Variants in PPP2R2B observed in about 807,000 individuals in gnomAD.
The protein encoded by PPP2R2B is serine/threonine-protein phosphatase 2A 55 kDa regulatory subunit B beta isoform.
Under a neutral mutation model 46.0 loss-of-function variants are expected in PPP2R2B, and 5 were observed. The observed-to-expected ratio is 0.11, with a 90% confidence interval of 0.06 to 0.23. The LOEUF is 0.23. Among genes scored for constraint, PPP2R2B ranks in the 10% least tolerant of loss-of-function variants. The pLI is 1.00. For missense variants in PPP2R2B, 367 were observed against 575.0 expected (o/e 0.64, Z 3.70); for synonymous variants, 215 against 206.7 (o/e 1.04, Z -0.34).
At chr5:146,768,090 T>C (rs530215504) in intron 2 of PPP2R2B, among the ~76,000 whole-genome samples, 1 of 152,262 alleles carries the variant, frequency 6.6e-6, no homozygotes, top group East Asian at 1.9e-4. Flanking sequence ...TTTTTTTTTT[T>C]TGAAACAGGG....
At chr5:147,025,550 T>C (rs574298915) in intron 1 of PPP2R2B, among the ~76,000 whole-genome samples, 1 of 151,864 alleles carries the variant, frequency 6.6e-6, no homozygotes, top group East Asian at 1.9e-4. Flanking sequence ...GCATGATCTA[T>C]AAAAAAGACA....
At chr5:146,678,522 A>G (rs6892118) in intron 5 of PPP2R2B, among the ~76,000 whole-genome samples, 330 of 135,450 alleles carry the variant, frequency 2.4e-3, no homozygotes, top group African/African-American at 0.01. Context: ...TATTCAACAT[A>G]GTGTTGGAAG....
intron 2 of PPP2R2B, among the ~76,000 whole-genome samples, chr5:146,848,731 G>A (rs150938921): frequency 0.014 from 2,157 of 152,254 alleles, 22 homozygotes; most frequent in Non-Finnish European, 0.022. Flanking sequence ...TGCACCCTTA[G>A]AAAGAAGTCA....
chr5:146,752,364 C>T (rs1018404828), intron 2 of PPP2R2B, among the ~76,000 whole-genome samples: 14 of 152,294 alleles, frequency 9.2e-5, no homozygotes, highest in South Asian at 6.2e-4. Flanking sequence ...AGGTCTCCAT[C>T]GAATGTCTTC....
intron 2 of PPP2R2B, among the ~76,000 whole-genome samples, chr5:146,865,572 T>G (rs1179315355): frequency 2.0e-5 from 3 of 152,134 alleles, no homozygotes; most frequent in Non-Finnish European, 4.4e-5. Context: ...AGGGTCTACA[T>G]TTAATTTTTA....
At chr5:146,971,556 G>A (rs1380726492) in intron 1 of PPP2R2B, among the ~76,000 whole-genome samples, 2 of 152,122 alleles carry the variant, frequency 1.3e-5, no homozygotes, top group Non-Finnish European at 2.9e-5. Context: ...ATGCTATGAT[G>A]AATAATCTTG....
chr5:146,681,793 C>A (rs548999110), intron 5 of PPP2R2B, among the ~76,000 whole-genome samples: 25 of 152,262 alleles, frequency 1.6e-4, no homozygotes, highest in African/African-American at 5.5e-4. Flanking sequence ...AAATTCAGAC[C>A]ATTTAACAAC....
intron 2 of PPP2R2B, among the ~76,000 whole-genome samples, chr5:146,774,782 A>T (rs976870571): frequency 6.6e-6 from 1 of 150,514 alleles, no homozygotes; most frequent in African/African-American, 2.4e-5. Flanking sequence ...ATGCCACTGC[A>T]CTCCAGCCTG....
At chr5:146,966,322 T>C (rs1023768596) in intron 1 of PPP2R2B, among the ~76,000 whole-genome samples, 1 of 152,216 alleles carries the variant, frequency 6.6e-6, no homozygotes, top group Non-Finnish European at 1.5e-5. Flanking sequence ...GAGGCTGTTG[T>C]GTCCATCTTG....
At chr5:147,078,364 G>C (rs1757857140) in intron 2 of PPP2R2B, among the ~76,000 whole-genome samples, 1 of 152,140 alleles carries the variant, frequency 6.6e-6, no homozygotes, top group South Asian at 2.1e-4. Flanking sequence ...TAATTGATGG[G>C]AAGCCAGTCA....
chr5:146,926,258 T>G (rs1263935771), intron 1 of PPP2R2B, among the ~76,000 whole-genome samples: 1 of 152,148 alleles, frequency 6.6e-6, no homozygotes, highest in Non-Finnish European at 1.5e-5. Context: ...TTTTTCCCTT[T>G]ATGGTGGTTG....
chr5:146,694,241 T>G (rs1779045966), intron 4 of PPP2R2B, among the ~76,000 whole-genome samples: 2 of 152,218 alleles, frequency 1.3e-5, no homozygotes, highest in Non-Finnish European at 2.9e-5. Context: ...GTATGATTTG[T>G]GCGCTCTGAA....
rs139508919 is a variant in PPP2R2B, at chr5:146,818,257, G to A, written c.70+59745C>T. 1.1e-3 allele frequency among the ~76,000 whole-genome samples: 165 copies of A among 152,064 alleles called. No homozygotes were observed. In the East Asian group the frequency reaches 0.017, roughly 16 times the overall value. On this transcript the variant is annotated intron_variant, in intron 2 of 9. Coordinates refer to ENST00000394411, the MANE Select transcript of PPP2R2B (RefSeq NM_181675.4). Reference sequence around the variant, plus strand: ...ATAGCTGCTGTGGCCATAGCACTTAGTACTGTGTCTGGCACATAAGACAGC... The same window carrying A: ...ATAGCTGCTGTGGCCATAGCACTTAATACTGTGTCTGGCACATAAGACAGC...
chr5:146,965,777 A>G (rs1233353065), intron 1 of PPP2R2B, among the ~76,000 whole-genome samples: 2 of 152,224 alleles, frequency 1.3e-5, no homozygotes, highest in Admixed American at 1.3e-4. Context: ...AATTCTTCTT[A>G]AAATCCATAG....
chr5:146,841,699 CG>C (rs1020374780), intron 2 of PPP2R2B, among the ~76,000 whole-genome samples: 3 of 152,098 alleles, frequency 2.0e-5, no homozygotes, highest in Non-Finnish European at 4.4e-5. Flanking sequence ...AACCAAACAC[CG>C]CATGTTCTCA....
upstream of PPP2R2B, among the ~76,000 whole-genome samples, chr5:147,058,233 C>G (rs146306147): frequency 6.6e-6 from 1 of 152,116 alleles, no homozygotes; most frequent in East Asian, 1.9e-4. Context: ...TTTATGTGGA[C>G]GTGAAGGTCC....
At chr5:146,726,025 T>C (rs1201310416) in intron 2 of PPP2R2B, among the ~76,000 whole-genome samples, 1 of 152,182 alleles carries the variant, frequency 6.6e-6, no homozygotes, top group Non-Finnish European at 1.5e-5. Flanking sequence ...ACATTATAAA[T>C]ACTCAAATCT....
chr5:146,720,486 A>G lies in PPP2R2B; in HGVS notation c.71-19344T>C, dbSNP rs144434693. Among the ~76,000 whole-genome samples the G allele has an allele frequency of 3.5e-3, 536 of 152,282 alleles. 3 individuals carry two copies. The highest frequency in any genetic ancestry group is 0.013 in the African/African-American group (520 of 41,568). On this transcript the variant is annotated intron_variant, in intron 2 of 9. Coordinates refer to ENST00000394411, the MANE Select transcript of PPP2R2B (RefSeq NM_181675.4). ...TACTTCAAAACTTGGTTAATCTAAA[A>G]TATATCATATGGACCATTAGTTCCT...
rs1240119347 is a variant in PPP2R2B, at chr5:147,081,390, C to T, written c.-162G>A. The T allele has an allele frequency of 4.7e-6, 6 of 1,280,056 alleles. No individual in the cohort carries two copies. In the African/African-American group the frequency reaches 7.4e-5, roughly 16 times the overall value. 79.3% of individuals were successfully genotyped at this position (1,280,056 alleles called of 1,614,324 possible). ...AGGCCAGGACCAGTTTGAACTGGAGCAATTGGAGTTTGTCCCTTCTCAGGC... is the reference window on the plus strand; with the variant it reads ...AGGCCAGGACCAGTTTGAACTGGAGTAATTGGAGTTTGTCCCTTCTCAGGC... On this transcript the variant is annotated 5_prime_UTR_variant, in exon 1 of 11. Coordinates refer to the PPP2R2B transcript ENST00000394413.
Sources: gnomAD v4.1 joint callset for allele counts (sites outside exome capture counted in the v4.1 genomes callset) on GRCh38, gnomAD v4.1.1 for gene constraint, MANE v1.5 for transcripts, NCBI Gene and HGNC (gene_info 2026-07-23, HGNC 2026-07-21) for gene names.